COL25A1: variants seen among roughly 807,000 people sequenced by gnomAD.
The protein encoded by COL25A1 is collagen type XXV alpha 1 chain, also known as collagen alpha-1(XXV) chain.
COL25A1 carries 103 observed loss-of-function variants against 128.4 expected under a neutral mutation model. That is an observed-to-expected ratio of 0.80 (90% CI 0.68 to 0.94). The LOEUF is 0.94. COL25A1 is among the 40% of genes least tolerant of loss of function. COL25A1 has a pLI of 0.00. For missense variants in COL25A1, 745 were observed against 840.0 expected (o/e 0.89, Z 1.40); for synonymous variants, 279 against 277.2 (o/e 1.01, Z -0.06).
chr4:109,260,850 G>GA (rs369700003), intron 3 of COL25A1, among the ~76,000 whole-genome samples: 52 of 150,848 alleles, frequency 3.4e-4, no homozygotes, highest in African/African-American at 1.0e-3. Flanking sequence ...CAATCAGGAG[G>GA]AAAAAAAACA....
intron 3 of COL25A1, among the ~76,000 whole-genome samples, chr4:109,224,131 G>A (rs1778611107): frequency 6.6e-6 from 1 of 151,928 alleles, no homozygotes; most frequent in Non-Finnish European, 1.5e-5. Context: ...AAGAAACACA[G>A]GTTTTTCCAA....
chr4:108,859,780 T>C, intron 23 of COL25A1, 47 bp from the exon 24 acceptor site: 1 of 1,425,254 alleles, frequency 7.0e-7, no homozygotes, highest in Non-Finnish European at 9.9e-7. Flanking sequence ...TAGCTTAGCA[T>C]GTAGGGTGGA....
At chr4:108,832,301 T>G in intron 32 of COL25A1, 79 bp downstream of exon 32, 1 of 989,658 alleles carries the variant, frequency 1.0e-6, no homozygotes, top group East Asian at 2.5e-5. Flanking sequence ...TTCTGAAAAA[T>G]GAACAGTTAA....
intron 24 of COL25A1, among the ~76,000 whole-genome samples, chr4:108,854,278 T>C (rs1006956025): frequency 6.6e-6 from 1 of 152,088 alleles, no homozygotes; most frequent in African/African-American, 2.4e-5. Flanking sequence ...GAAGAAAACC[T>C]AGGCAATACC....
chr4:109,130,975 T>C (rs1769139470), intron 3 of COL25A1, among the ~76,000 whole-genome samples: 1 of 152,214 alleles, frequency 6.6e-6, no homozygotes, highest in African/African-American at 2.4e-5. Context: ...CTAATCATGA[T>C]AGTTTTATAC....
intron 5 of COL25A1, among the ~76,000 whole-genome samples, chr4:109,021,384 A>G (rs963176970): frequency 6.6e-5 from 10 of 152,204 alleles, no homozygotes; most frequent in African/African-American, 2.2e-4. Flanking sequence ...TGAAGATTTC[A>G]TGGACATTTA....
chr4:109,081,710 AT>A (rs1227483665), intron 3 of COL25A1, among the ~76,000 whole-genome samples: 22 of 147,240 alleles, frequency 1.5e-4, no homozygotes, highest in Middle Eastern at 3.4e-3. Context: ...TTTTTCTTTT[AT>A]TTTTTTTTTT....
rs185245353 is a variant in COL25A1, at chr4:109,076,655, T to C, written c.368-26476A>G. 5.7e-4 allele frequency among the ~76,000 whole-genome samples: 86 copies of C among 152,114 alleles called. 1 individual carries two copies. Among genetic ancestry groups the C allele is most frequent in the African/African-American group, 2.0e-3 (81 of 41,504 alleles). Reference sequence around the variant, plus strand: ...ACATTACATTTATTGTGCACTTTATTATATGGTGATAGATAACAAAATAAT... The same window carrying C: ...ACATTACATTTATTGTGCACTTTATCATATGGTGATAGATAACAAAATAAT... On this transcript the variant is annotated intron_variant, in intron 3 of 37. Coordinates refer to ENST00000399132, the MANE Select transcript of COL25A1 (RefSeq NM_198721.4).
chr4:109,058,345 G>A (rs904208943), intron 3 of COL25A1, among the ~76,000 whole-genome samples: 1 of 152,072 alleles, frequency 6.6e-6, no homozygotes. Flanking sequence ...AAATAGGAAA[G>A]ATATGATTCT....
At chr4:108,832,641 A>G in intron 31 of COL25A1, 1 of 465,942 alleles carries the variant, frequency 2.1e-6, no homozygotes, top group Middle Eastern at 5.5e-4. Flanking sequence ...GCATGTTTCA[A>G]TGAAAGGCAC....
chr4:108,967,684 T>C (rs542978645), intron 8 of COL25A1, among the ~76,000 whole-genome samples: 2 of 152,322 alleles, frequency 1.3e-5, no homozygotes, highest in African/African-American at 4.8e-5. Context: ...CTCTGCACTA[T>C]AGTAAGGCTT....
intron 31 of COL25A1, 88 bp downstream of exon 31, chr4:108,841,604 TAAA>T: frequency 9.5e-7 from 1 of 1,051,826 alleles, no homozygotes; most frequent in Non-Finnish European, 1.4e-6. Flanking sequence ...ACTTGACAAA[TAAA>T]TAAGATAGGA....
At chr4:108,925,322 A>G (rs935344724) in intron 11 of COL25A1, among the ~76,000 whole-genome samples, 2 of 151,980 alleles carry the variant, frequency 1.3e-5, no homozygotes, top group Non-Finnish European at 2.9e-5. Flanking sequence ...GATTGTGAGA[A>G]GTAGATGGAA....
chr4:109,076,299 G>A (rs2125988541), intron 3 of COL25A1, among the ~76,000 whole-genome samples: 1 of 152,262 alleles, frequency 6.6e-6, no homozygotes. Context: ...AGCAATATCT[G>A]CTTTGTGCTT....
chr4:108,965,183 T>C (rs1751151731), intron 8 of COL25A1, among the ~76,000 whole-genome samples: 1 of 152,346 alleles, frequency 6.6e-6, no homozygotes, highest in South Asian at 2.1e-4. Context: ...CAGTTTTGCA[T>C]AGTCCCAGCT....
chr4:109,060,705 A>T (rs1434009070), intron 3 of COL25A1, among the ~76,000 whole-genome samples: 3 of 152,112 alleles, frequency 2.0e-5, no homozygotes, highest in African/African-American at 2.4e-5. Context: ...AAAAAACAAA[A>T]AAACATTACC....
At chr4:109,052,136 A>C (rs962722521) in intron 3 of COL25A1, among the ~76,000 whole-genome samples, 1 of 152,210 alleles carries the variant, frequency 6.6e-6, no homozygotes, top group Non-Finnish European at 1.5e-5. Context: ...GATTTCATCA[A>C]ATAAAAACAA....
chr4:109,284,441 G>A lies in COL25A1; in HGVS notation c.367+16142C>T, dbSNP rs145269703. ...TGAGACTCCGTCAAAAACAAGAAAA[G>A]AAAAGAAAAGGCAATGGTGCTCTGA... On this transcript the variant is annotated intron_variant, in intron 3 of 37. Transcript: ENST00000399132. 3.0e-3 allele frequency among the ~76,000 whole-genome samples: 463 copies of A among 152,244 alleles called. 3 individuals carry two copies. The highest frequency in any genetic ancestry group is 0.01 in the African/African-American group (432 of 41,544).
intron 8 of COL25A1, among the ~76,000 whole-genome samples, chr4:108,953,915 T>C (rs1381645332): frequency 3.9e-5 from 6 of 152,262 alleles, no homozygotes; most frequent in Non-Finnish European, 7.4e-5. Flanking sequence ...GCCCAACTGA[T>C]AGAACTTTAT....
Sources: gnomAD v4.1 joint callset for allele counts (sites outside exome capture counted in the v4.1 genomes callset) on GRCh38, gnomAD v4.1.1 for gene constraint, MANE v1.5 for transcripts, NCBI Gene and HGNC (gene_info 2026-07-23, HGNC 2026-07-21) for gene names.